The following RETSAT variants were observed in gnomAD, a reference collection of about 807,000 sequenced individuals.
The protein encoded by RETSAT is all-trans-retinol 13,14-reductase.
A neutral mutation model predicts 61.6 loss-of-function variants in RETSAT; 35 were observed. The observed-to-expected ratio is 0.57, with a 90% CI of 0.43 to 0.75. The LOEUF (loss-of-function observed/expected upper bound fraction) is 0.75. RETSAT is among the 30% of genes least tolerant of loss of function. RETSAT has a pLI of 0.00. For synonymous variants in RETSAT, 277 were observed against 310.4 expected (o/e 0.89, Z 1.13); for missense variants, 670 against 759.5 (o/e 0.88, Z 1.38).
At chr2:85,346,620 G>A (rs74540864) in intron 5 of RETSAT, among the ~76,000 whole-genome samples, 10 of 152,016 alleles carry the variant, frequency 6.6e-5, no homozygotes, top group Admixed American at 3.3e-4. Context: ...AAATTAAGCT[G>A]TATGGAGTTG....
intron 5 of RETSAT, among the ~76,000 whole-genome samples, chr2:85,348,970 C>T (rs1344600661): frequency 1.3e-5 from 2 of 151,582 alleles, no homozygotes; most frequent in Non-Finnish European, 2.9e-5. Flanking sequence ...AGGCTGGTCT[C>T]GAACTCCTGA....
At chr2:85,345,039 G>C (rs1031859936) in intron 6 of RETSAT, among the ~76,000 whole-genome samples, 9 of 152,160 alleles carry the variant, frequency 5.9e-5, no homozygotes, top group Admixed American at 3.3e-4. Flanking sequence ...GGGGAGAAGG[G>C]AGGTCAGGGT....
At position 85,343,991 on chromosome 2, in the gene RETSAT, C is replaced by A. The variant is rs759951037; in HGVS notation, c.1533+8G>T. The A allele has an allele frequency of 1.9e-6, 3 of 1,613,668 alleles. No individual in the cohort carries two copies. The African/African-American group carries it at 4.0e-5, about 22-fold the overall frequency. On this transcript the variant is annotated splice_region_variant and intron_variant, in intron 9 of 10. Coordinates refer to ENST00000295802, the MANE Select transcript of RETSAT (RefSeq NM_017750.4). ...GTTCGTCACCACCCCAAATACTTTA[C>A]CCCCTACCTTCCCCTCCAGCTGTGG...
intron 6 of RETSAT, chr2:85,345,650 C>A: frequency 2.4e-6 from 1 of 414,804 alleles, no homozygotes; most frequent in Non-Finnish European, 4.6e-6. Flanking sequence ...TGCTTCTCTT[C>A]CTGAGGCCTC....
intron 6 of RETSAT, 70 bp from the exon 7 acceptor site, chr2:85,344,802 G>C (rs1365436489): frequency 1.3e-6 from 2 of 1,543,446 alleles, no homozygotes; most frequent in East Asian, 2.3e-5. Flanking sequence ...TCCCAGGAGA[G>C]CCTTGGGGTG....
chr2:85,343,085 T>G lies in RETSAT; in HGVS notation c.*157A>C. 1 of 1,047,954 alleles carries G rather than the reference T, an allele frequency of 9.5e-7. No homozygotes were observed. Among genetic ancestry groups the G allele is most frequent in the Admixed American group, 2.6e-5 (1 of 37,842 alleles). 64.9% of individuals were successfully genotyped at this position (1,047,954 alleles called of 1,614,324 possible). On this transcript the variant is annotated 3_prime_UTR_variant, in exon 11 of 11. Transcript: ENST00000295802. ...GAAGCAGTGATTCCATTGCCCCAGA[T>G]TCGGAATTGTGATTTAAACTAGGCC...
Position 85,350,915 on chromosome 2 carries a change from G to A in RETSAT, c.462C>T (p.Asp154=), listed in dbSNP as rs754857628. Residue 154 remains aspartate (D), a synonymous_variant, in exon 3 of 11, where the codon GAC becomes GAT. Coordinates refer to ENST00000295802, the MANE Select transcript of RETSAT (RefSeq NM_017750.4). ...CATTGGGCCCTTCCAGTACCATGATGTCAAAAGGAGAGGACAGGGGAGCCC... is the reference window on the plus strand; with the variant it reads ...CATTGGGCCCTTCCAGTACCATGATATCAAAAGGAGAGGACAGGGGAGCCC... The part of the protein sequence containing the change: ...LDWAPLSSPF[D]IMVLEGPNGR... 12 of 1,614,080 alleles carry A rather than the reference G, an allele frequency of 7.4e-6. No homozygotes were observed. The highest frequency in any genetic ancestry group is 2.2e-5 in the East Asian group (1 of 44,900).
rs1683196670 is a variant in RETSAT at position 85,346,072 on chromosome 2, A to G, written c.1020T>C (p.His340=). 1 of 1,611,576 alleles carries G rather than the reference A, an allele frequency of 6.2e-7. No homozygotes were observed. Among genetic ancestry groups the G allele is most frequent in the Admixed American group, 1.7e-5 (1 of 59,980 alleles). The change falls in exon 6 of 11, where the codon CAT becomes CAC. Residue 340 remains histidine (H), a synonymous_variant. Coordinates refer to ENST00000295802, the MANE Select transcript of RETSAT (RefSeq NM_017750.4). ...TGGGGCAATAGATGTTCACCAGCTC[A>G]TGCCCCTTCTTCACACTGACACCTG... is the stretch of plus-strand genomic sequence containing the variant. ...KACGVSVKKG[H]ELVNIYCPIV...
chr2:85,352,220 A>ATTTTAT (rs755489100), intron 1 of RETSAT, among the ~76,000 whole-genome samples: 5 of 151,718 alleles, frequency 3.3e-5, no homozygotes, highest in Admixed American at 1.3e-4. Context: ...ATGCCGGGCC[A>ATTTTAT]TTTTATTTTT....
Position 85,344,007 on chromosome 2 carries a change from C to G in RETSAT, c.1525G>C (p.Glu509Gln). The change falls in exon 9 of 11, where the codon GAG (glutamate) becomes CAG (glutamine). Residue 509 changes from glutamate (E) to glutamine (Q), a missense_variant. By Grantham distance (29) the Glu-to-Gln change is conservative. Coordinates refer to ENST00000295802, the MANE Select transcript of RETSAT (RefSeq NM_017750.4). Reference sequence around the variant, plus strand: ...AATACTTTACCCCCTACCTTCCCCTCCAGCTGTGGGAACAGTTTCAGGACC... The same window carrying G: ...AATACTTTACCCCCTACCTTCCCCTGCAGCTGTGGGAACAGTTTCAGGACC... The part of the protein sequence containing the change: ...SVVLKLFPQL[E>Q]GKVESVTAGS... The G allele has an allele frequency of 6.2e-7, 1 of 1,614,092 alleles. No individual in the cohort carries two copies. The highest frequency in any genetic ancestry group is 8.5e-7 in the Non-Finnish European group (1 of 1,180,006).
chr2:85,348,679 T>C (rs1683245094), intron 5 of RETSAT, among the ~76,000 whole-genome samples: 1 of 143,548 alleles, frequency 7.0e-6, no homozygotes, highest in Non-Finnish European at 1.5e-5. Flanking sequence ...ACTGGGTAAA[T>C]AATTTTATCT....
intron 7 of RETSAT, 118 bp downstream of exon 7, chr2:85,344,476 A>G: frequency 1.3e-6 from 2 of 1,544,404 alleles, no homozygotes; most frequent in South Asian, 2.4e-5. Flanking sequence ...TTGGCGTGAC[A>G]AACTTCCAGG....
chr2:85,345,903 C>A, intron 6 of RETSAT, 72 bp downstream of exon 6: 1 of 1,596,724 alleles, frequency 6.3e-7, no homozygotes, highest in Non-Finnish European at 8.6e-7. Flanking sequence ...ATGACCCACA[C>A]GGAGCAGGTT....
At position 85,343,191 on chromosome 2, in the gene RETSAT, G is replaced by C; in HGVS notation, c.*51C>G. On this transcript the variant is annotated 3_prime_UTR_variant, in exon 11 of 11. Coordinates refer to ENST00000295802, the MANE Select transcript of RETSAT (RefSeq NM_017750.4). ...CAGAAAGACATTATGGGTAAGTCAAGGGAGATGCCCCAGCCATTGGGCAAA... is the reference window on the plus strand; with the variant it reads ...CAGAAAGACATTATGGGTAAGTCAACGGAGATGCCCCAGCCATTGGGCAAA... The C allele has an allele frequency of 1.2e-6, 2 of 1,605,240 alleles. No individual in the cohort carries two copies. The highest frequency in any genetic ancestry group is 1.7e-6 in the Non-Finnish European group (2 of 1,173,950).
At chr2:85,347,333 A>G (rs6547616) in intron 5 of RETSAT, among the ~76,000 whole-genome samples, 124,544 of 152,024 alleles carry the variant, frequency 0.82, 51,756 homozygotes, top group East Asian at 1. Flanking sequence ...AGGTTCAAGC[A>G]ATTCTCCTAT....
chr2:85,349,259 A>G lies in RETSAT; in HGVS notation c.997+125T>C, dbSNP rs994773928. 60 of 836,164 alleles carry G rather than the reference A, an allele frequency of 7.2e-5. 1 individual carries two copies. In the South Asian group the frequency reaches 8.7e-4, roughly 12 times the overall value. The allele number at this position is 836,164 out of a possible 1,614,324, so 51.8% of individuals were successfully genotyped here. A position where few individuals can be genotyped will look rare whatever the true frequency, so the allele number is the denominator to read the frequency against. ...CTATCCCTGGACCCTGCTCTGGGGC[A>G]GATTCTCACCTTTAGCCTCCATGAG... On this transcript the variant is annotated intron_variant, in intron 5 of 10. Coordinates refer to ENST00000295802, the MANE Select transcript of RETSAT (RefSeq NM_017750.4).
Position 85,345,965 on chromosome 2 carries a change from C to T in RETSAT, c.1117+10G>A, listed in dbSNP as rs372299831. On this transcript the variant is annotated intron_variant, in intron 6 of 10. Transcript: ENST00000295802. Reference sequence around the variant, plus strand: ...ACCTGCAAGAGGGGCAGTGCAGACCCGCCTTTTACCTGGCAGGCAGCGGGC... The same window carrying T: ...ACCTGCAAGAGGGGCAGTGCAGACCTGCCTTTTACCTGGCAGGCAGCGGGC... 3.1e-5 allele frequency: 50 copies of T among 1,614,024 alleles called. No individual in the cohort carries two copies. The African/African-American group carries it at 3.2e-4, about 10-fold the overall frequency.
rs1415466153 is a variant in RETSAT at position 85,354,403 on chromosome 2, T to C, written c.105A>G (p.Glu35=). Residue 35 remains glutamate, a synonymous_variant, in exon 1 of 11, where the codon GAA becomes GAG. Transcript: ENST00000295802. ...GGGGCGCTGGGGGCCGTTTGACATC[T>C]TCGGAGAAAGGATTCGGGGAGCTGC... is the stretch of plus-strand genomic sequence containing the variant. ...FSGSSPNPFS[E]DVKRPPAPLV... The C allele has an allele frequency of 6.2e-7, 1 of 1,614,188 alleles. No homozygotes were observed. The highest frequency in any genetic ancestry group is 1.1e-5 in the South Asian group (1 of 91,078).
At chr2:85,350,642 C>A in intron 3 of RETSAT, 138 bp downstream of exon 3, 1 of 999,334 alleles carries the variant, frequency 1.0e-6, no homozygotes, top group Non-Finnish European at 1.5e-6. Context: ...TGGGTGGAGG[C>A]TGAGCTAAGA....
Sources: gnomAD v4.1 joint callset for allele counts (sites outside exome capture counted in the v4.1 genomes callset) on GRCh38, gnomAD v4.1.1 for gene constraint, MANE v1.5 for transcripts, NCBI Gene and HGNC (gene_info 2026-07-23, HGNC 2026-07-21) for gene names.